CTNNA3: variants seen among roughly 807,000 people sequenced by gnomAD.
CTNNA3 encodes the protein catenin alpha 3.
A neutral mutation model predicts 95.7 loss-of-function variants in CTNNA3; 76 were observed. That is an observed-to-expected ratio of 0.79 (90% CI 0.66 to 0.96). The LOEUF (loss-of-function observed/expected upper bound fraction) is 0.96, where lower values mean the gene tolerates loss of function less well. Among genes scored for constraint, CTNNA3 ranks in the 40% least tolerant of loss-of-function variants. The pLI, the probability that CTNNA3 is intolerant of heterozygous loss-of-function variation, is 0.00. For missense variants in CTNNA3, 1,191 were observed against 1,089.8 expected, an observed-to-expected ratio of 1.09 and a Z score of -1.31; for synonymous variants, 431 against 374.4, an observed-to-expected ratio of 1.15 and a Z score of -1.74.
chr10:67,082,852 A>C (rs533236420), intron 7 of CTNNA3, among the ~76,000 whole-genome samples: 3 of 152,282 alleles, frequency 2.0e-5, no homozygotes, highest in African/African-American at 7.2e-5. Context: ...TGGGGGATGG[A>C]CCACAATATT....
intron 13 of CTNNA3, among the ~76,000 whole-genome samples, chr10:66,258,656 C>G (rs183664508): frequency 6.7e-4 from 102 of 152,200 alleles, no homozygotes; most frequent in Admixed American, 2.4e-3. Context: ...CTATGGCCCT[C>G]TAAGCACCCC....
intron 9 of CTNNA3, among the ~76,000 whole-genome samples, chr10:66,673,249 T>A (rs1846729072): frequency 6.6e-6 from 1 of 152,140 alleles, no homozygotes. Context: ...CCTTTGTTTA[T>A]GTATTCCATC....
intron 7 of CTNNA3, among the ~76,000 whole-genome samples, chr10:67,023,288 A>G (rs1853144628): frequency 6.6e-6 from 1 of 152,146 alleles, no homozygotes; most frequent in East Asian, 1.9e-4. Context: ...AGGGAATGTG[A>G]AACTGCTGAA....
chr10:67,433,613 C>T (rs937435548), intron 5 of CTNNA3, among the ~76,000 whole-genome samples: 1 of 151,930 alleles, frequency 6.6e-6, no homozygotes, highest in African/African-American at 2.4e-5. Flanking sequence ...CTTTATCAAA[C>T]ACATTGAACA....
intron 7 of CTNNA3, among the ~76,000 whole-genome samples, chr10:67,156,847 T>C (rs191972382): frequency 6.6e-6 from 1 of 152,088 alleles, no homozygotes; most frequent in African/African-American, 2.4e-5. Context: ...CTTATTGATA[T>C]TTTGTCTGTA....
At chr10:66,550,162 T>C (rs1842170869) in intron 10 of CTNNA3, among the ~76,000 whole-genome samples, 2 of 152,184 alleles carry the variant, frequency 1.3e-5, no homozygotes, top group African/African-American at 4.8e-5. Context: ...TCCTGATGAA[T>C]GCCTATTTTA....
intron 9 of CTNNA3, among the ~76,000 whole-genome samples, chr10:66,634,960 A>C (rs1190381150): frequency 2.6e-5 from 4 of 152,166 alleles, no homozygotes; most frequent in Non-Finnish European, 5.9e-5. Flanking sequence ...CTCAAATTGA[A>C]GTCTGCAATG....
intron 9 of CTNNA3, among the ~76,000 whole-genome samples, chr10:66,632,677 C>A (rs949383488): frequency 2.6e-4 from 40 of 151,602 alleles, no homozygotes; most frequent in African/African-American, 9.2e-4. Context: ...ATTTCCTGCT[C>A]TCTACTTTCA....
At chr10:67,460,858 A>G (rs1008786598) in intron 5 of CTNNA3, among the ~76,000 whole-genome samples, 1 of 152,208 alleles carries the variant, frequency 6.6e-6, no homozygotes, top group Non-Finnish European at 1.5e-5. Flanking sequence ...GGTCTCTGAT[A>G]AAAGACAATC....
intron 13 of CTNNA3, among the ~76,000 whole-genome samples, chr10:66,207,440 A>ATATTTTT (rs1482371208): frequency 1.3e-5 from 2 of 152,048 alleles, no homozygotes; most frequent in African/African-American, 2.4e-5. Context: ...TATTTAAAAT[A>ATATTTTT]CACAATATAT....
intron 10 of CTNNA3, among the ~76,000 whole-genome samples, chr10:66,538,007 A>G (rs1259354751): frequency 6.6e-6 from 1 of 152,168 alleles, no homozygotes; most frequent in Non-Finnish European, 1.5e-5. Context: ...ACTACATGGC[A>G]TAACTTCCCT....
At chr10:67,465,790 C>A (rs936847249) in intron 5 of CTNNA3, among the ~76,000 whole-genome samples, 2 of 152,092 alleles carry the variant, frequency 1.3e-5, no homozygotes, top group African/African-American at 4.8e-5. Flanking sequence ...CTCTGTACTG[C>A]ACATGCACAA....
chr10:67,575,205 C>G (rs1842104172), intron 3 of CTNNA3, among the ~76,000 whole-genome samples: 1 of 152,038 alleles, frequency 6.6e-6, no homozygotes. Context: ...TTTGTTTTCT[C>G]TGGAGGTTCT....
chr10:67,232,353 T>C (rs1431065250), intron 5 of CTNNA3, among the ~76,000 whole-genome samples: 3 of 151,782 alleles, frequency 2.0e-5, no homozygotes, highest in African/African-American at 7.3e-5. Context: ...TGGGGGCCAA[T>C]ATTCAACATT....
chr10:67,725,917 C>CCTAATAT (rs1841208592), intron 1 of CTNNA3, among the ~76,000 whole-genome samples: 2 of 111,722 alleles, frequency 1.8e-5, no homozygotes, highest in Admixed American at 1.9e-4. Flanking sequence ...ATATATTGTA[C>CCTAATAT]ATAATATATA....
chr10:65,960,549 G>C (rs554637347), intron 17 of CTNNA3, among the ~76,000 whole-genome samples: 18 of 152,178 alleles, frequency 1.2e-4, no homozygotes, highest in Admixed American at 2.0e-4. Flanking sequence ...AGATTCAGGG[G>C]GTACATGTGC....
intron 11 of CTNNA3, among the ~76,000 whole-genome samples, chr10:66,465,470 C>T (rs1038523135): frequency 6.6e-6 from 1 of 152,122 alleles, no homozygotes; most frequent in African/African-American, 2.4e-5. Flanking sequence ...TAGAAAGTCC[C>T]ATTAGGATAC....
chr10:67,192,107 G>A (rs1863145402), intron 6 of CTNNA3, among the ~76,000 whole-genome samples: 1 of 151,910 alleles, frequency 6.6e-6, no homozygotes, highest in Non-Finnish European at 1.5e-5. Flanking sequence ...AGACATAACT[G>A]TAATGCCTGA....
chr10:65,962,033 G>A (rs2077855674), intron 17 of CTNNA3, among the ~76,000 whole-genome samples: 1 of 152,040 alleles, frequency 6.6e-6, no homozygotes. Context: ...TATGGAGATG[G>A]TAAACTCCCA....
Sources: allele counts gnomAD v4.1 joint callset (sites outside exome capture counted in the v4.1 genomes callset), GRCh38; gene constraint gnomAD v4.1.1; transcripts MANE v1.5; gene names NCBI Gene and HGNC (gene_info 2026-07-23, HGNC 2026-07-21).